Variants in NIPAL4 observed in about 807,000 individuals in gnomAD.
The protein encoded by NIPAL4 is NIPA like domain containing 4.
NIPAL4 carries 21 observed loss-of-function variants against 31.6 expected under a neutral mutation model. That is an observed-to-expected ratio of 0.67 (90% CI 0.47 to 0.96). The LOEUF (loss-of-function observed/expected upper bound fraction) is 0.96. Among genes scored for constraint, NIPAL4 ranks in the 40% least tolerant of loss-of-function variants. The pLI is 0.00. For missense variants in NIPAL4, 438 were observed against 508.0 expected (o/e 0.86, Z 1.32); for synonymous variants, 175 against 211.1 (o/e 0.83, Z 1.48).
intron 5 of NIPAL4, 79 bp from the exon 6 acceptor site, chr5:157,472,253 C>T (rs1754459940): frequency 2.2e-6 from 3 of 1,352,786 alleles, no homozygotes; most frequent in Non-Finnish European, 3.0e-6. Context: ...AATGCTACCT[C>T]CCACTGCCAT....
chr5:157,460,941 A>G (rs1159111107), intron 1 of NIPAL4, among the ~76,000 whole-genome samples: 1 of 152,182 alleles, frequency 6.6e-6, no homozygotes, highest in African/African-American at 2.4e-5. Context: ...CTATCTTGCT[A>G]TCCCCACTCT....
At chr5:157,467,175 G>T in intron 3 of NIPAL4, 70 bp downstream of exon 3, 2 of 1,066,604 alleles carry the variant, frequency 1.9e-6, no homozygotes, top group Non-Finnish European at 2.9e-6. Flanking sequence ...GGGAGGGGTG[G>T]GTAGGGCATT....
At position 157,463,046 on chromosome 5, in the gene NIPAL4, G is replaced by C. The variant is rs371637963; in HGVS notation, c.38-48G>C. 59 of 1,607,726 alleles carry C rather than the reference G, an allele frequency of 3.7e-5. No homozygotes were observed. In the African/African-American group the frequency reaches 7.2e-4, roughly 20 times the overall value. ...TGGCCAATTCCAATATTTTAAAAGT[G>C]TGCAATTGTCCCCAGTGTGACTCTC... is the stretch of plus-strand genomic sequence containing the variant. On this transcript the variant is annotated intron_variant, in intron 1 of 5. Coordinates refer to ENST00000311946, the MANE Select transcript of NIPAL4 (RefSeq NM_001099287.2).
rs372405072 is a variant in NIPAL4, at chr5:157,472,447, C to T, written c.702C>T (p.Ile234=). ...ILIYIIICSV[I]GAFSVAAVKG... is the part of the protein sequence containing the mutation. Reference sequence around the variant, plus strand: ...TCTACATCATCATCTGCTCTGTGATCGGGGCCTTCTCTGTGGCTGCTGTCA... The same window carrying T: ...TCTACATCATCATCTGCTCTGTGATTGGGGCCTTCTCTGTGGCTGCTGTCA... Residue 234 remains isoleucine (I), a synonymous_variant, in exon 6 of 6, where the codon ATC becomes ATT. Coordinates refer to ENST00000311946, the MANE Select transcript of NIPAL4 (RefSeq NM_001099287.2). 1.2e-5 allele frequency: 20 copies of T among 1,613,742 alleles called. No individual in the cohort carries two copies. The highest frequency in any genetic ancestry group is 5.3e-5 in the African/African-American group (4 of 74,868).
intron 3 of NIPAL4, 51 bp downstream of exon 3, chr5:157,467,156 G>A (rs1754299870): frequency 8.1e-7 from 1 of 1,235,950 alleles, no homozygotes; most frequent in Non-Finnish European, 1.2e-6. Flanking sequence ...TAGCAGGGCT[G>A]GAGACAAAGG....
intron 1 of NIPAL4, 130 bp from the exon 2 acceptor site, chr5:157,462,963 TG>T: frequency 8.8e-7 from 1 of 1,139,188 alleles, no homozygotes; most frequent in Non-Finnish European, 1.2e-6. Context: ...TATTTTTAGG[TG>T]GAGGCACGGT....
intron 1 of NIPAL4, among the ~76,000 whole-genome samples, chr5:157,461,497 TG>T (rs1355013033): frequency 6.6e-6 from 1 of 152,208 alleles, no homozygotes; most frequent in Non-Finnish European, 1.5e-5. Flanking sequence ...GGGATGAGTT[TG>T]GTCTTCCTCT....
chr5:157,473,042 G>C lies in NIPAL4; in HGVS notation c.*82G>C. On this transcript the variant is annotated 3_prime_UTR_variant, in exon 6 of 6. Transcript: ENST00000311946. ...TTCAAAACCACCTGGTTATTTTCCAGTGCAACTGTTACCAATGGGCTCTCT... is the reference window on the plus strand; with the variant it reads ...TTCAAAACCACCTGGTTATTTTCCACTGCAACTGTTACCAATGGGCTCTCT... The C allele has an allele frequency of 4.2e-6, 5 of 1,202,276 alleles. No homozygotes were observed. The highest frequency in any genetic ancestry group is 5.7e-6 in the Non-Finnish European group (5 of 880,452). The allele number at this position is 1,202,276 out of a possible 1,614,324, so 74.5% of individuals were successfully genotyped here.
At chr5:157,472,289 C>T in intron 5 of NIPAL4, 43 bp from the exon 6 acceptor site, 1 of 1,557,986 alleles carries the variant, frequency 6.4e-7, no homozygotes, top group Non-Finnish European at 8.7e-7. Flanking sequence ...ACATTGCCTG[C>T]ACCCTCCACA....
In NIPAL4 at chr5:157,472,426, C is replaced by T. The variant is rs779889214; in HGVS notation, c.681C>T (p.Tyr227=). The T allele has an allele frequency of 3.7e-6, 6 of 1,613,720 alleles. No individual in the cohort carries two copies. The African/African-American group carries it at 5.3e-5, about 14-fold the overall frequency. The change falls in exon 6 of 6, where the codon TAC becomes TAT. Residue 227 remains tyrosine, a synonymous_variant. Transcript: ENST00000311946. ...ACGGGCAAAGGAATATCCTCATCTA[C>T]ATCATCATCTGCTCTGTGATCGGGG... The part of the protein sequence containing the change: ...PRYGQRNILI[Y]IIICSVIGAF...
chr5:157,473,134 T>C lies in NIPAL4; in HGVS notation c.*174T>C. 1 of 504,344 alleles carries C rather than the reference T, an allele frequency of 2.0e-6. No individual in the cohort carries two copies. The allele number at this position is 504,344 out of a possible 1,614,324, so 31.2% of individuals were successfully genotyped here. A position where few individuals can be genotyped will look rare whatever the true frequency, so the allele number is the denominator to read the frequency against. ...AGAAAAATCTTTACCCAAATAGCAA[T>C]GGTGGCAGAACTTCCTGGAAACAGA... On this transcript the variant is annotated 3_prime_UTR_variant, in exon 6 of 6. Coordinates refer to ENST00000311946, the MANE Select transcript of NIPAL4 (RefSeq NM_001099287.2).
At position 157,460,316 on chromosome 5, in the gene NIPAL4, G is replaced by GC; in HGVS notation, c.-1dup. The GC allele has an allele frequency of 6.5e-7, 1 of 1,547,962 alleles. No homozygotes were observed. The highest frequency in any genetic ancestry group is 8.7e-7 in the Non-Finnish European group (1 of 1,146,180). ...CCGCGCGTCGGTTCGTGTGCCCCGG[G>GC]CCCCATGGAGCTGCGGGTCAGCAAC... is the stretch of plus-strand genomic sequence containing the variant. On this transcript the variant is annotated 5_prime_UTR_variant, in exon 1 of 6. Coordinates refer to ENST00000311946, the MANE Select transcript of NIPAL4 (RefSeq NM_001099287.2).
At chr5:157,468,398 C>T (rs1754340371) in intron 3 of NIPAL4, among the ~76,000 whole-genome samples, 1 of 152,160 alleles carries the variant, frequency 6.6e-6, no homozygotes, top group Non-Finnish European at 1.5e-5. Context: ...GTCCAAAATA[C>T]TGGCAGTCCC....
rs766715677 is a variant in NIPAL4, at chr5:157,472,372, C to T, written c.627C>T (p.Leu209=). ...CTGTGCTTCTGCTGGTGTCATGCCT[C>T]ATCCTCATCTTTGTCATTGCCCCAC... ...VFAVLLLVSC[L]ILIFVIAPRY... Residue 209 remains leucine, a synonymous_variant, in exon 6 of 6, where the codon CTC becomes CTT. Transcript: ENST00000311946. 1 of 1,610,910 alleles carries T rather than the reference C, an allele frequency of 6.2e-7. No individual in the cohort carries two copies. Among genetic ancestry groups the T allele is most frequent in the South Asian group, 1.1e-5 (1 of 91,056 alleles).
chr5:157,472,989 G>C lies in NIPAL4; in HGVS notation c.*29G>C. On this transcript the variant is annotated 3_prime_UTR_variant, in exon 6 of 6. Coordinates refer to ENST00000311946, the MANE Select transcript of NIPAL4 (RefSeq NM_001099287.2). The stretch of plus-strand genomic sequence containing the variant: ...TTGGAATATGTGAGTGAGAGGATGA[G>C]TCCGATGGTACAGCCTGCCCTCCCA... 2.0e-6 allele frequency: 3 copies of C among 1,494,258 alleles called. No individual in the cohort carries two copies. The highest frequency in any genetic ancestry group is 2.7e-6 in the Non-Finnish European group (3 of 1,125,540). The allele number at this position is 1,494,258 out of a possible 1,614,324, so 92.6% of individuals were successfully genotyped here.
chr5:157,468,943 G>A, intron 4 of NIPAL4, 131 bp downstream of exon 4: 1 of 626,402 alleles, frequency 1.6e-6, no homozygotes, highest in East Asian at 2.7e-5. Flanking sequence ...CCAGAAAGAG[G>A]CAGTGTGCTG....
rs1446584072 is a variant in NIPAL4 at position 157,474,230 on chromosome 5, T to G, written c.*1270T>G. The G allele has an allele frequency of 6.6e-6, 1 of 152,076 alleles. No individual in the cohort carries two copies. Among genetic ancestry groups the G allele is most frequent in the Non-Finnish European group, 1.5e-5 (1 of 68,038 alleles). The allele number at this position is 152,076 out of a possible 1,614,324, so 9.4% of individuals were successfully genotyped here. On this transcript the variant is annotated 3_prime_UTR_variant, in exon 6 of 6. Transcript: ENST00000311946. ...TTCCAACACCACCTGCTATGGGGAG[T>G]ACCTTTGGTCCCCTCACATTTGGCC... is the stretch of plus-strand genomic sequence containing the variant.
Position 157,463,198 on chromosome 5 carries a change from G to A in NIPAL4, c.142G>A (p.Glu48Lys). The A allele has an allele frequency of 6.2e-7, 1 of 1,614,036 alleles. No homozygotes were observed. The highest frequency in any genetic ancestry group is 1.3e-5 in the African/African-American group (1 of 75,052). Residue 48 changes from glutamate to lysine, a missense_variant, in exon 2 of 6, where the codon GAA becomes AAA. Physicochemically the swap from Glu to Lys is moderately conservative, Grantham distance 56 (BLOSUM62 1). Transcript: ENST00000311946. ...CAATGCCACCTTTCACAGCTGGCAGGAAAGAATCAGGCAGAACTATGGCTT... is the reference window on the plus strand; with the variant it reads ...CAATGCCACCTTTCACAGCTGGCAGAAAAGAATCAGGCAGAACTATGGCTT... Reference protein sequence around the residue: ...PSNATFHSWQERIRQNYGFYI... With the variant: ...PSNATFHSWQKRIRQNYGFYI...
At chr5:157,470,684 TG>T (rs529485847) in intron 4 of NIPAL4, among the ~76,000 whole-genome samples, 54 of 152,268 alleles carry the variant, frequency 3.5e-4, no homozygotes, top group Non-Finnish European at 6.2e-4. Context: ...ATAATAGGTG[TG>T]TTATGAATGA....
Sources: allele counts gnomAD v4.1 joint callset (sites outside exome capture counted in the v4.1 genomes callset), GRCh38; gene constraint gnomAD v4.1.1; transcripts MANE v1.5; gene names NCBI Gene and HGNC (gene_info 2026-07-23, HGNC 2026-07-21).